Variants in MAML2 observed in about 807,000 individuals in gnomAD.
The protein encoded by MAML2 is mastermind like transcriptional coactivator 2.
A neutral mutation model predicts 96.1 loss-of-function variants in MAML2; 22 were observed. The observed-to-expected ratio is 0.23, with a 90% CI of 0.16 to 0.33. The LOEUF is 0.33. MAML2 is among the 10% of genes least tolerant of loss of function. The pLI, the probability that MAML2 is intolerant of heterozygous loss-of-function variation, is 1.00. For missense variants in MAML2, 1,367 were observed against 1,392.4 expected (o/e 0.98, Z 0.29); for synonymous variants, 561 against 521.3 (o/e 1.08, Z -1.04).
rs1462649752 is a variant in MAML2 at position 95,989,859 on chromosome 11, G to A, written c.2343+1661C>T. On this transcript the variant is annotated intron_variant, in intron 3 of 4. Transcript: ENST00000524717. ...ATTTCTTTTCACATGCCCTGAATACGAAACTTATTCCACTTGTAATTCCTT... is the reference window on the plus strand; with the variant it reads ...ATTTCTTTTCACATGCCCTGAATACAAAACTTATTCCACTTGTAATTCCTT... Among the ~76,000 whole-genome samples, 7 of 152,168 alleles carry A rather than the reference G, an allele frequency of 4.6e-5. No individual in the cohort carries two copies. The Middle Eastern group carries it at 0.01, about 222-fold the overall frequency.
At chr11:96,068,289 G>A (rs544441136) in intron 2 of MAML2, among the ~76,000 whole-genome samples, 3 of 152,130 alleles carry the variant, frequency 2.0e-5, no homozygotes, top group East Asian at 1.9e-4. Context: ...ACCTGGGTTC[G>A]TTGTCTTTGA....
chr11:96,204,023 G>A (rs1195707813), intron 1 of MAML2, among the ~76,000 whole-genome samples: 10 of 152,190 alleles, frequency 6.6e-5, no homozygotes, highest in Admixed American at 3.9e-4. Context: ...GGGATACAGC[G>A]GGAACCCAGG....
intron 2 of MAML2, among the ~76,000 whole-genome samples, chr11:96,000,903 G>A (rs147559834): frequency 2.0e-5 from 3 of 152,204 alleles, no homozygotes; most frequent in Non-Finnish European, 2.9e-5. Context: ...CTTATTGGGG[G>A]TGAGAGGTTG....
chr11:96,123,578 T>C (rs540962388), intron 1 of MAML2, among the ~76,000 whole-genome samples: 20 of 152,346 alleles, frequency 1.3e-4, no homozygotes, highest in South Asian at 2.1e-4. Context: ...AATTCAGATA[T>C]GATGACATTT....
chr11:96,091,868 T>C, intron 2 of MAML2, 24 bp downstream of exon 2: 2 of 1,600,656 alleles, frequency 1.2e-6, no homozygotes, highest in Non-Finnish European at 1.7e-6. Flanking sequence ...GGGAACTCTG[T>C]ATTTGGAGTA....
chr11:96,305,029 T>C (rs1373602790), intron 1 of MAML2, among the ~76,000 whole-genome samples: 2 of 152,170 alleles, frequency 1.3e-5, no homozygotes, highest in Non-Finnish European at 2.9e-5. Flanking sequence ...AGATGCACCA[T>C]TTATAACAAC....
intron 4 of MAML2, among the ~76,000 whole-genome samples, chr11:95,980,435 A>G (rs1392299512): frequency 1.3e-5 from 2 of 152,100 alleles, no homozygotes; most frequent in Admixed American, 6.6e-5. Flanking sequence ...CTTGAAAATC[A>G]TGTCCCATTC....
intron 1 of MAML2, among the ~76,000 whole-genome samples, chr11:96,175,893 C>A (rs76965255): frequency 6.6e-6 from 1 of 152,104 alleles, no homozygotes; most frequent in Non-Finnish European, 1.5e-5. Context: ...TGAGCCACAG[C>A]GCCTGGCCTT....
At chr11:96,199,418 G>A (rs1489130086) in intron 1 of MAML2, among the ~76,000 whole-genome samples, 1 of 151,768 alleles carries the variant, frequency 6.6e-6, no homozygotes, top group Admixed American at 6.6e-5. Context: ...TCTTTTACAA[G>A]AGACAGAAAA....
chr11:96,079,538 C>T (rs564982836), intron 2 of MAML2, among the ~76,000 whole-genome samples: 3 of 152,196 alleles, frequency 2.0e-5, no homozygotes, highest in Non-Finnish European at 4.4e-5. Flanking sequence ...CTCTCAACCT[C>T]TTCATCTGCA....
intron 1 of MAML2, among the ~76,000 whole-genome samples, chr11:96,283,611 A>C (rs1863100273): frequency 6.6e-6 from 1 of 152,202 alleles, no homozygotes; most frequent in Non-Finnish European, 1.5e-5. Flanking sequence ...TGGGGCCTAC[A>C]ATTTAAAGAG....
chr11:96,166,300 A>G (rs1300869491), intron 1 of MAML2, among the ~76,000 whole-genome samples: 2 of 151,996 alleles, frequency 1.3e-5, no homozygotes, highest in South Asian at 4.2e-4. Flanking sequence ...AACTGAATTG[A>G]GTGAGTCAGT....
intron 1 of MAML2, among the ~76,000 whole-genome samples, chr11:96,126,369 C>A (rs1168634688): frequency 6.6e-6 from 1 of 152,058 alleles, no homozygotes; most frequent in Admixed American, 6.6e-5. Context: ...ACAAGCCTGA[C>A]CAATATGGTG....
rs773863588 is a variant in MAML2 at position 96,129,573 on chromosome 11, G to A, written c.514-36056C>T. On this transcript the variant is annotated intron_variant, in intron 1 of 4. Coordinates refer to ENST00000524717, the MANE Select transcript of MAML2 (RefSeq NM_032427.4). ...ACTAAATCCAAATAGGGGGAGGGGT[G>A]GGTAGTGGGACACAACTATGGGTAA... Among the ~76,000 whole-genome samples the A allele has an allele frequency of 1.1e-4, 16 of 152,268 alleles. No individual in the cohort carries two copies. The South Asian group carries it at 3.1e-3, about 30-fold the overall frequency.
intron 1 of MAML2, among the ~76,000 whole-genome samples, chr11:96,279,769 C>T (rs1458544977): frequency 6.6e-6 from 1 of 152,164 alleles, no homozygotes; most frequent in East Asian, 1.9e-4. Flanking sequence ...TTTAAAGCCA[C>T]CCTCCTGAGA....
chr11:96,025,003 G>T (rs1391789820), intron 2 of MAML2, among the ~76,000 whole-genome samples: 1 of 152,156 alleles, frequency 6.6e-6, no homozygotes. Flanking sequence ...ATTTCTCAAA[G>T]AACTTAAAAC....
At chr11:96,006,839 C>A (rs1002071109) in intron 2 of MAML2, among the ~76,000 whole-genome samples, 2 of 149,574 alleles carry the variant, frequency 1.3e-5, no homozygotes, top group African/African-American at 2.5e-5. Flanking sequence ...AGATTACAGG[C>A]GTGAGCCACC....
At position 96,061,475 on chromosome 11, in the gene MAML2, A is replaced by G. The variant is rs1859158390; in HGVS notation, c.2139+30417T>C. ...AGGAGAGGAAAATATAAAGGTGAAA[A>G]TAAATTTGAGAAGATAAATACGGTT... is the stretch of plus-strand genomic sequence containing the variant. On this transcript the variant is annotated intron_variant, in intron 2 of 4. Transcript: ENST00000524717. Among the ~76,000 whole-genome samples, 2 of 152,198 alleles carry G rather than the reference A, an allele frequency of 1.3e-5. 1 individual carries two copies. Among genetic ancestry groups the G allele is most frequent in the South Asian group, 4.1e-4 (2 of 4,832 alleles).
intron 1 of MAML2, among the ~76,000 whole-genome samples, chr11:96,253,077 A>T (rs1862608866): frequency 6.6e-6 from 1 of 152,176 alleles, no homozygotes; most frequent in African/African-American, 2.4e-5. Context: ...CCTCGCACAG[A>T]AATACCCAAG....
Sources: gnomAD v4.1 joint callset for allele counts (sites outside exome capture counted in the v4.1 genomes callset) on GRCh38, gnomAD v4.1.1 for gene constraint, MANE v1.5 for transcripts, NCBI Gene and HGNC (gene_info 2026-07-23, HGNC 2026-07-21) for gene names.